Variants in FSTL5 observed in about 807,000 individuals in gnomAD.
The protein encoded by FSTL5 is follistatin-related protein 5.
Under a neutral mutation model 89.1 loss-of-function variants are expected in FSTL5, and 62 were observed. That is an observed-to-expected ratio of 0.70 (90% confidence interval 0.57 to 0.86). The LOEUF (loss-of-function observed/expected upper bound fraction) is 0.86, where lower values mean the gene tolerates loss of function less well. Ranked by LOEUF, FSTL5 falls within the 40% of genes least tolerant of loss-of-function variation. The pLI, the probability that FSTL5 is intolerant of heterozygous loss-of-function variation, is 0.00. For missense variants in FSTL5, 1,057 were observed against 1,001.6 expected (o/e 1.06, Z -0.75); for synonymous variants, 383 against 346.2 (o/e 1.11, Z -1.18).
intron 10 of FSTL5, among the ~76,000 whole-genome samples, chr4:161,510,903 C>A (rs2126500545): frequency 6.6e-6 from 1 of 151,986 alleles, no homozygotes; most frequent in South Asian, 2.1e-4. Flanking sequence ...AGATCTTGAA[C>A]AACAAATTGG....
chr4:161,745,866 G>A (rs898023093), intron 6 of FSTL5, among the ~76,000 whole-genome samples: 5 of 151,984 alleles, frequency 3.3e-5, no homozygotes, highest in East Asian at 3.9e-4. Flanking sequence ...AATATGAGTC[G>A]TACATACACC....
intron 6 of FSTL5, among the ~76,000 whole-genome samples, chr4:161,733,180 C>T (rs893617505): frequency 9.9e-5 from 15 of 151,788 alleles, no homozygotes; most frequent in Non-Finnish European, 4.4e-5. Flanking sequence ...CTTTGTATTG[C>T]ACTTGTTTTA....
At chr4:161,978,011 A>G (rs937259714) in intron 3 of FSTL5, among the ~76,000 whole-genome samples, 3 of 152,210 alleles carry the variant, frequency 2.0e-5, no homozygotes, top group Non-Finnish European at 4.4e-5. Flanking sequence ...CATTGTACTG[A>G]CAATATCAAA....
chr4:161,455,184 GC>G, intron 14 of FSTL5, 56 bp from the exon 15 acceptor site: 1 of 1,384,498 alleles, frequency 7.2e-7, no homozygotes, highest in Non-Finnish European at 9.6e-7. Context: ...CATAGTATAA[GC>G]TTTAATTTTA....
chr4:161,684,920 T>G (rs1213908787), intron 6 of FSTL5, among the ~76,000 whole-genome samples: 1 of 152,160 alleles, frequency 6.6e-6, no homozygotes, highest in African/African-American at 2.4e-5. Context: ...CCATCTTGAG[T>G]TTTTGTATAA....
At chr4:161,619,928 T>A (rs1194431929) in intron 7 of FSTL5, among the ~76,000 whole-genome samples, 1 of 151,816 alleles carries the variant, frequency 6.6e-6, no homozygotes, top group Non-Finnish European at 1.5e-5. Flanking sequence ...AGCAAAGACT[T>A]GGAACCAACC....
intron 7 of FSTL5, among the ~76,000 whole-genome samples, chr4:161,608,475 G>C (rs1477554400): frequency 6.6e-6 from 1 of 151,788 alleles, no homozygotes. Context: ...TGTCTTTTTT[G>C]GGGGGAAATA....
chr4:161,993,242 C>A (rs972091471), intron 3 of FSTL5, among the ~76,000 whole-genome samples: 1 of 151,494 alleles, frequency 6.6e-6, no homozygotes, highest in Non-Finnish European at 1.5e-5. Flanking sequence ...TTTCAAAGGC[C>A]ATTCATAGAT....
intron 5 of FSTL5, among the ~76,000 whole-genome samples, chr4:161,764,172 T>C (rs759151944): frequency 3.9e-5 from 6 of 152,218 alleles, no homozygotes; most frequent in Non-Finnish European, 8.8e-5. Context: ...AAATAGATCA[T>C]GTGAAAGGAC....
At chr4:162,029,298 C>T (rs1412607800) in intron 3 of FSTL5, among the ~76,000 whole-genome samples, 1 of 151,954 alleles carries the variant, frequency 6.6e-6, no homozygotes, top group East Asian at 1.9e-4. Flanking sequence ...GTTTCATATA[C>T]ATAAGAATAT....
chr4:161,659,773 T>C (rs750981485), intron 6 of FSTL5, among the ~76,000 whole-genome samples: 7 of 152,180 alleles, frequency 4.6e-5, no homozygotes, highest in Admixed American at 2.0e-4. Context: ...AAACAAAATA[T>C]TGAAAACAAT....
Position 161,538,268 on chromosome 4 carries a change from G to T in FSTL5, c.1210C>A (p.Arg404Ser), listed in dbSNP as rs186644009. The T allele has an allele frequency of 3.7e-6, 6 of 1,613,850 alleles. No individual in the cohort carries two copies. In the South Asian group the frequency reaches 5.5e-5, roughly 15 times the overall value. The change falls in exon 10 of 16, where the codon CGC (arginine) becomes AGC (serine). Residue 404 changes from arginine (R) to serine (S), a missense_variant. Arg to Ser is a moderately radical substitution (Grantham distance 110). Around this residue, in one of 3 missense-constraint regions of FSTL5, gnomAD observed 980 missense variants for 903.2 expected, o/e 1.08. Coordinates refer to ENST00000306100, the MANE Select transcript of FSTL5 (RefSeq NM_020116.5). ...GTGTATGCTCCAGTATCTTCATAGC[G>T]CACATTGCTTATGTGAACCTCACTG... is the stretch of plus-strand genomic sequence containing the variant. ...NGSEVHISNV[R>S]YEDTGAYTCI...
At chr4:162,111,451 A>G in intron 1 of FSTL5, 39 bp from the exon 2 acceptor site, 1 of 1,444,978 alleles carries the variant, frequency 6.9e-7, no homozygotes, top group Non-Finnish European at 9.5e-7. Context: ...GAGAAAATGA[A>G]TTATATATTA....
intron 4 of FSTL5, among the ~76,000 whole-genome samples, chr4:161,821,685 G>T (rs1024150066): frequency 2.6e-5 from 4 of 152,070 alleles, no homozygotes; most frequent in Non-Finnish European, 5.9e-5. Context: ...TTTTATTCCT[G>T]AGTTACTTCA....
At chr4:162,007,035 G>C (rs1443442426) in intron 3 of FSTL5, among the ~76,000 whole-genome samples, 1 of 151,872 alleles carries the variant, frequency 6.6e-6, no homozygotes, top group African/African-American at 2.4e-5. Flanking sequence ...TGGGCACTAA[G>C]AGATTTAAGA....
At chr4:161,971,238 G>A (rs1735473691) in intron 3 of FSTL5, among the ~76,000 whole-genome samples, 1 of 152,034 alleles carries the variant, frequency 6.6e-6, no homozygotes, top group African/African-American at 2.4e-5. Flanking sequence ...CTCTGATAAC[G>A]TGTTATCACA....
chr4:161,470,464 G>A (rs914108789), intron 13 of FSTL5, among the ~76,000 whole-genome samples: 7 of 151,996 alleles, frequency 4.6e-5, no homozygotes, highest in African/African-American at 1.7e-4. Context: ...CTTTATGCTA[G>A]TACTACACAG....
chr4:161,726,630 T>C (rs1739428906), intron 6 of FSTL5, among the ~76,000 whole-genome samples: 1 of 152,188 alleles, frequency 6.6e-6, no homozygotes, highest in Admixed American at 6.5e-5. Flanking sequence ...GGGTTTTAAC[T>C]GTATTTGCAT....
In FSTL5 at chr4:161,805,782, G is replaced by A. The variant is rs139015505; in HGVS notation, c.410-29708C>T. Reference sequence around the variant, plus strand: ...GTGCTCAGAGGGAGGCTTTGGAGACGATTCCTACCATTTACAGTATACAAT... The same window carrying A: ...GTGCTCAGAGGGAGGCTTTGGAGACAATTCCTACCATTTACAGTATACAAT... On this transcript the variant is annotated intron_variant, in intron 4 of 15. Coordinates refer to ENST00000306100, the MANE Select transcript of FSTL5 (RefSeq NM_020116.5). Among the ~76,000 whole-genome samples, 182 of 152,136 alleles carry A rather than the reference G, an allele frequency of 1.2e-3. 1 individual carries two copies. The highest frequency in any genetic ancestry group is 1.4e-3 in the Non-Finnish European group (94 of 67,946).
Sources: allele counts gnomAD v4.1 joint callset (sites outside exome capture counted in the v4.1 genomes callset), GRCh38; gene constraint gnomAD v4.1.1; regional missense constraint gnomAD v4.1.1; transcripts MANE v1.5; gene names NCBI Gene and HGNC (gene_info 2026-07-23, HGNC 2026-07-21).